Variants in TENM2 observed in about 807,000 individuals in gnomAD.
TENM2 encodes teneurin-2.
TENM2 carries 52 observed loss-of-function variants against 245.2 expected under a neutral mutation model. The ratio of observed to expected loss-of-function variants is 0.21; its 90% CI spans 0.17 to 0.27. The LOEUF (loss-of-function observed/expected upper bound fraction) is 0.27, where lower values mean the gene tolerates loss of function less well. Among genes scored for constraint, TENM2 ranks in the 10% least tolerant of loss-of-function variants. The pLI, the probability that TENM2 is intolerant of heterozygous loss-of-function variation, is 1.00. For missense variants in TENM2, 3,046 were observed against 3,666.8 expected (o/e 0.83, Z 4.37); for synonymous variants, 1,363 against 1,438.9 (o/e 0.95, Z 1.19).
chr5:168,152,351 A>C (rs1329977993), intron 12 of TENM2, among the ~76,000 whole-genome samples: 1 of 152,174 alleles, frequency 6.6e-6, no homozygotes, highest in East Asian at 1.9e-4. Context: ...CATTTCCTGA[A>C]GTTACACTAG....
chr5:168,220,047 C>G (rs1763538612), intron 23 of TENM2, among the ~76,000 whole-genome samples: 1 of 152,122 alleles, frequency 6.6e-6, no homozygotes, highest in Non-Finnish European at 1.5e-5. Context: ...CTTTCTCAAG[C>G]ACCTTAACGA....
chr5:168,048,880 G>A (rs760027185), intron 6 of TENM2, among the ~76,000 whole-genome samples: 1 of 152,196 alleles, frequency 6.6e-6, no homozygotes, highest in Non-Finnish European at 1.5e-5. Flanking sequence ...ATCTGAGGAT[G>A]AAATTATATG....
chr5:167,640,540 C>A (rs965750641), intron 2 of TENM2, among the ~76,000 whole-genome samples: 3 of 151,254 alleles, frequency 2.0e-5, no homozygotes, highest in Non-Finnish European at 4.4e-5. Context: ...ATTGCTTAAA[C>A]CCATGACGTG....
the TENM2 span, among the ~76,000 whole-genome samples, chr5:167,191,973 G>A: frequency 1.3e-5 from 2 of 151,944 alleles, no homozygotes; most frequent in African/African-American, 2.4e-5. Flanking sequence ...AGCAACTTCC[G>A]TACATGACTT....
chr5:167,551,530 A>G (rs1449968935), intron 2 of TENM2, among the ~76,000 whole-genome samples: 2 of 152,196 alleles, frequency 1.3e-5, no homozygotes, highest in Non-Finnish European at 2.9e-5. Context: ...CCATAACAAA[A>G]TAGAAGTGTA....
At chr5:167,755,542 C>T (rs1245395750) in intron 2 of TENM2, among the ~76,000 whole-genome samples, 1 of 151,962 alleles carries the variant, frequency 6.6e-6, no homozygotes, top group Non-Finnish European at 1.5e-5. Context: ...CATCCTGTGT[C>T]TATTGCTGAA....
intron 3 of TENM2, among the ~76,000 whole-genome samples, chr5:167,878,908 G>A (rs1024460211): frequency 1.3e-5 from 2 of 152,040 alleles, no homozygotes; most frequent in Non-Finnish European, 2.9e-5. Context: ...CTGAGAATCT[G>A]GTACTACTTT....
At chr5:167,092,207 GA>G in the TENM2 span, among the ~76,000 whole-genome samples, 1 of 152,094 alleles carries the variant, frequency 6.6e-6, no homozygotes, top group Non-Finnish European at 1.5e-5. Flanking sequence ...TTAGCGACGT[GA>G]AAACTATATA....
chr5:168,191,371 A>T (rs770037083), intron 14 of TENM2, among the ~76,000 whole-genome samples: 1 of 152,110 alleles, frequency 6.6e-6, no homozygotes, highest in East Asian at 1.9e-4. Context: ...GAGGGGTAGG[A>T]GAGGCTGGGG....
intron 2 of TENM2, among the ~76,000 whole-genome samples, chr5:167,517,478 T>C (rs1003972761): frequency 6.6e-5 from 10 of 152,158 alleles, no homozygotes; most frequent in Admixed American, 4.6e-4. Context: ...CACTATATTA[T>C]GTAAATGAAG....
intron 2 of TENM2, among the ~76,000 whole-genome samples, chr5:167,607,008 T>C (rs1297954340): frequency 2.6e-5 from 4 of 152,116 alleles, no homozygotes; most frequent in Admixed American, 2.6e-4. Flanking sequence ...CTCTCCTGAA[T>C]ATATCAGGAA....
the TENM2 span, among the ~76,000 whole-genome samples, chr5:167,044,787 A>G: frequency 6.6e-6 from 1 of 152,228 alleles, no homozygotes; most frequent in African/African-American, 2.4e-5. Context: ...TCTGAAAAGG[A>G]TCCATTTGCT....
At chr5:167,117,036 A>G in the TENM2 span, among the ~76,000 whole-genome samples, 1 of 152,250 alleles carries the variant, frequency 6.6e-6, no homozygotes, top group Non-Finnish European at 1.5e-5. Context: ...TGATTTAAAG[A>G]TACTGCAGAT....
chr5:168,028,836 C>T (rs1188813572), intron 5 of TENM2, among the ~76,000 whole-genome samples: 1 of 150,430 alleles, frequency 6.6e-6, no homozygotes, highest in African/African-American at 2.5e-5. Context: ...GTGACCTCAG[C>T]TGAGCCAATT....
chr5:167,711,296 C>T (rs1248739112), intron 2 of TENM2, among the ~76,000 whole-genome samples: 2 of 152,132 alleles, frequency 1.3e-5, no homozygotes, highest in African/African-American at 4.8e-5. Flanking sequence ...GAAGAAGGCA[C>T]CAAGGATAAT....
At chr5:167,084,365 A>ATATATATATATATG in the TENM2 span, among the ~76,000 whole-genome samples, 47 of 122,468 alleles carry the variant, frequency 3.8e-4, 1 homozygote, top group African/African-American at 1.4e-3. Flanking sequence ...ATATATATAT[A>ATATATATATATATG]TACAGATCAG....
chr5:167,431,928 CATAT>C (rs200868538), intron 2 of TENM2, among the ~76,000 whole-genome samples: 52 of 112,532 alleles, frequency 4.6e-4, no homozygotes, highest in Admixed American at 4.5e-3. Flanking sequence ...TATATATATA[CATAT>C]ATATATACAT....
chr5:167,033,880 A>C, the TENM2 span, among the ~76,000 whole-genome samples: 1 of 152,294 alleles, frequency 6.6e-6, no homozygotes. Context: ...GACTCAATAA[A>C]TTTTTTAGGG....
chr5:167,739,289 T>C (rs6555768), intron 2 of TENM2, among the ~76,000 whole-genome samples: 148,855 of 152,254 alleles, frequency 0.98, 72,789 homozygotes, highest in East Asian at 1. Context: ...ATCGGGCTCA[T>C]GAAGTCACTC....
Sources: gnomAD v4.1 joint callset for allele counts (sites outside exome capture counted in the v4.1 genomes callset) on GRCh38, gnomAD v4.1.1 for gene constraint, MANE v1.5 for transcripts, NCBI Gene and HGNC (gene_info 2026-07-23, HGNC 2026-07-21) for gene names.